The following CCDC138 variants were observed in gnomAD, a reference collection of about 807,000 sequenced individuals.
CCDC138 encodes coiled-coil domain containing 138, also known as coiled-coil domain-containing protein 138.
Under a neutral mutation model 82.3 loss-of-function variants are expected in CCDC138, and 66 were observed. The observed-to-expected ratio is 0.80, with a 90% CI of 0.66 to 0.98. The LOEUF (loss-of-function observed/expected upper bound fraction) is 0.98. CCDC138 is among the 50% of genes least tolerant of loss of function. The probability of loss-of-function intolerance (pLI) is 0.00; values close to 1 mark genes in which losing one functional copy is unlikely to be tolerated. For synonymous variants in CCDC138, 297 were observed against 265.4 expected (o/e 1.12, Z -1.16); for missense variants, 816 against 758.9 (o/e 1.08, Z -0.88).
chr2:108,795,524 C>T (rs375824558), intron 5 of CCDC138, among the ~76,000 whole-genome samples: 16 of 152,170 alleles, frequency 1.1e-4, no homozygotes, highest in South Asian at 2.1e-4. Flanking sequence ...GTATGTAATG[C>T]GCAGTATCTG....
chr2:108,844,231 T>C (rs1167078346), intron 11 of CCDC138, among the ~76,000 whole-genome samples: 1 of 152,170 alleles, frequency 6.6e-6, no homozygotes, highest in Non-Finnish European at 1.5e-5. Context: ...TTTAGATGTT[T>C]TGCTATTCCT....
chr2:108,855,038 T>A (rs1028968070), intron 12 of CCDC138, among the ~76,000 whole-genome samples: 19 of 152,210 alleles, frequency 1.2e-4, no homozygotes, highest in African/African-American at 4.6e-4. Context: ...GCCAGGACAT[T>A]GTTAAAAGAC....
At chr2:108,786,993 C>T in intron 1 of CCDC138, 78 bp downstream of exon 1, 1 of 1,009,350 alleles carries the variant, frequency 9.9e-7, no homozygotes, top group Non-Finnish European at 1.3e-6. Context: ...CGCAGCCGGC[C>T]TGGGGGCGCG....
intron 11 of CCDC138, among the ~76,000 whole-genome samples, chr2:108,845,765 G>T (rs1011726873): frequency 1.3e-5 from 2 of 152,004 alleles, no homozygotes; most frequent in Admixed American, 1.3e-4. Context: ...TAGAGATGGG[G>T]TTTCACCATG....
intron 10 of CCDC138, among the ~76,000 whole-genome samples, chr2:108,831,840 C>G (rs546616789): frequency 6.6e-6 from 1 of 152,060 alleles, no homozygotes; most frequent in Non-Finnish European, 1.5e-5. Flanking sequence ...TCAAGCGATT[C>G]TCCTGCCTCA....
intron 13 of CCDC138, among the ~76,000 whole-genome samples, chr2:108,868,939 T>C (rs528312033): frequency 6.6e-6 from 1 of 152,278 alleles, no homozygotes; most frequent in East Asian, 1.9e-4. Flanking sequence ...TTGATTAAGC[T>C]ATAAGTTGGA....
intron 7 of CCDC138, among the ~76,000 whole-genome samples, chr2:108,811,729 T>G (rs1683902725): frequency 6.6e-6 from 1 of 152,166 alleles, no homozygotes; most frequent in African/African-American, 2.4e-5. Context: ...TAGTGAACAT[T>G]GTACCCAGTA....
intron 3 of CCDC138, among the ~76,000 whole-genome samples, chr2:108,789,298 A>G (rs1405098774): frequency 2.6e-5 from 4 of 152,172 alleles, no homozygotes; most frequent in Non-Finnish European, 5.9e-5. Context: ...TTTTTTTTAG[A>G]AAAGGAACTA....
intron 5 of CCDC138, among the ~76,000 whole-genome samples, chr2:108,797,611 A>G (rs1681120693): frequency 1.3e-5 from 2 of 152,178 alleles, no homozygotes. Context: ...GATAATCAGC[A>G]GAGCAGTCTT....
rs1206460775 is a variant in CCDC138, at chr2:108,788,733, GAAA to G, written c.152-112_152-110del. On this transcript the variant is annotated intron_variant, in intron 2 of 14. Transcript: ENST00000295124. Reference sequence around the variant, plus strand: ...AGACTCCGTCTCAAAGAAAAAAAAAGAAAAAAAAATTTGAGAGAGAAGATTTTA... The same window carrying G: ...AGACTCCGTCTCAAAGAAAAAAAAAGAAAAAATTTGAGAGAGAAGATTTTA... 4.2e-5 allele frequency: 58 copies of G among 1,377,676 alleles called. No individual in the cohort carries two copies. In the Admixed American group the frequency reaches 4.5e-4, roughly 11 times the overall value. The allele number at this position is 1,377,676 out of a possible 1,614,324, so 85.3% of individuals were successfully genotyped here.
At chr2:108,857,440 A>G (rs1692807228) in intron 13 of CCDC138, among the ~76,000 whole-genome samples, 1 of 152,156 alleles carries the variant, frequency 6.6e-6, no homozygotes, top group Non-Finnish European at 1.5e-5. Context: ...TCACTAAAAA[A>G]TTAGGTAACT....
intron 13 of CCDC138, among the ~76,000 whole-genome samples, chr2:108,872,030 C>G (rs1695337257): frequency 6.6e-6 from 1 of 152,174 alleles, no homozygotes; most frequent in African/African-American, 2.4e-5. Context: ...CTTCCTTCCA[C>G]CAATTTAAAG....
Position 108,786,894 on chromosome 2 carries a change from CG to C in CCDC138, c.77del (p.Gly26AlafsTer22), listed in dbSNP as rs1439139604. 6.4e-7 allele frequency: 1 copy of C among 1,552,438 alleles called. No homozygotes were observed. The highest frequency in any genetic ancestry group is 8.7e-7 in the Non-Finnish European group (1 of 1,151,898). On this transcript the variant is annotated frameshift_variant, in exon 1 of 15. Transcript: ENST00000295124. LOFTEE classifies it high-confidence loss of function. Reference protein sequence around the residue: ...VESLKSRYGLGGSCPDEYDFS... With the variant: ...VESLKSRYGLXGSCPDEYDFS... ...AGAGTCTCAAAAGCCGCTACGGACTCGGGGGCAGCTGCCCCGACGAGGTGAA... is the reference window on the plus strand; with the variant it reads ...AGAGTCTCAAAAGCCGCTACGGACTCGGGGCAGCTGCCCCGACGAGGTGAA...
intron 12 of CCDC138, among the ~76,000 whole-genome samples, chr2:108,853,913 A>G (rs1226010077): frequency 8.1e-6 from 1 of 122,840 alleles, no homozygotes; most frequent in African/African-American, 3.3e-5. Flanking sequence ...TATATTATAT[A>G]GTATATATAT....
chr2:108,839,335 T>A, intron 11 of CCDC138, 34 bp downstream of exon 11: 1 of 1,544,324 alleles, frequency 6.5e-7, no homozygotes, highest in Admixed American at 1.8e-5. Context: ...CTATAAGTAA[T>A]ACTCCACCTA....
chr2:108,787,103 G>GGGTGCCGC (rs1225536112), intron 1 of CCDC138, among the ~76,000 whole-genome samples, 188 bp downstream of exon 1: 1 of 152,286 alleles, frequency 6.6e-6, no homozygotes, highest in East Asian at 1.9e-4. Flanking sequence ...GGGGGTGCGG[G>GGGTGCCGC]GGTGCCGCTT....
chr2:108,809,527 C>T lies in CCDC138; in HGVS notation c.856-3104C>T, dbSNP rs553122172. 5.3e-5 allele frequency among the ~76,000 whole-genome samples: 8 copies of T among 149,648 alleles called. No individual in the cohort carries two copies. In the South Asian group the frequency reaches 1.5e-3, roughly 28 times the overall value. ...TTCATCAGTGTTTTATAGTTTTCAT[C>T]GTGGAAATCTTTCACTTCCTTGGTT... On this transcript the variant is annotated intron_variant, in intron 7 of 14. Coordinates refer to ENST00000295124, the MANE Select transcript of CCDC138 (RefSeq NM_144978.3).
In CCDC138 at chr2:108,798,442, A is replaced by C; in HGVS notation, c.591A>C (p.Ala197=). 6.2e-7 allele frequency: 1 copy of C among 1,612,916 alleles called. No homozygotes were observed. ...IHLKLQCETA[A]QQKFAEELQK... ...TTTTGATACAGTGTGAAACTGCAGC[A>C]CAACAGAAATTTGCTGAAGAACTTC... is the stretch of plus-strand genomic sequence containing the variant. The change falls in exon 6 of 15, where the codon GCA becomes GCC. Residue 197 remains alanine (A), a synonymous_variant. Transcript: ENST00000295124.
In CCDC138 at chr2:108,795,150, A is replaced by ATTTTTTTTTTT. The variant is rs11458525; in HGVS notation, c.576+441_576+451dup. On this transcript the variant is annotated intron_variant, in intron 5 of 14. Coordinates refer to ENST00000295124, the MANE Select transcript of CCDC138 (RefSeq NM_144978.3). ...TTCGGGTTTTTTGTTTCTAAAGTGT[A>ATTTTTTTTTTT]TTTTTTTTTTTTTTTTTTTTTTGCG... Among the ~76,000 whole-genome samples, 8 of 85,012 alleles carry ATTTTTTTTTTT rather than the reference A, an allele frequency of 9.4e-5. 1 individual carries two copies. The highest frequency in any genetic ancestry group is 3.7e-4 in the East Asian group (1 of 2,722). The allele number at this position is 85,012 out of a possible 152,430, so 55.8% of individuals were successfully genotyped here.
Sources: gnomAD v4.1 joint callset for allele counts (sites outside exome capture counted in the v4.1 genomes callset) on GRCh38, gnomAD v4.1.1 for gene constraint, MANE v1.5 for transcripts, NCBI Gene and HGNC (gene_info 2026-07-23, HGNC 2026-07-21) for gene names.